Variants in ZNF254 observed in about 807,000 individuals in gnomAD.
ZNF254 encodes the protein zinc finger protein 254.
A neutral mutation model predicts 12.4 loss-of-function variants in ZNF254; 10 were observed. That is an observed-to-expected ratio of 0.80 (90% confidence interval 0.50 to 1.36). The LOEUF (loss-of-function observed/expected upper bound fraction) is 1.36, where lower values mean the gene tolerates loss of function less well. ZNF254 is among the 40% of genes most tolerant of loss of function. The pLI is 0.00. For synonymous variants in ZNF254, 305 were observed against 253.4 expected (o/e 1.20, Z -1.93); for missense variants, 996 against 763.9 (o/e 1.30, Z -3.58).
At chr19:24,051,705 T>C (rs144720865) in intron 2 of ZNF254, among the ~76,000 whole-genome samples, 6 of 152,262 alleles carry the variant, frequency 3.9e-5, no homozygotes, top group Admixed American at 2.0e-4. Flanking sequence ...GCCCTGCCCA[T>C]AGGGGTATTA....
intron 2 of ZNF254, among the ~76,000 whole-genome samples, chr19:24,064,178 A>G (rs1239102355): frequency 6.6e-6 from 1 of 151,964 alleles, no homozygotes; most frequent in African/African-American, 2.4e-5. Flanking sequence ...CATAGCTCCT[A>G]TGTGATGTGA....
intron 2 of ZNF254, among the ~76,000 whole-genome samples, chr19:24,052,315 C>G (rs1970679091): frequency 6.6e-6 from 1 of 152,222 alleles, no homozygotes; most frequent in Non-Finnish European, 1.5e-5. Flanking sequence ...CTTTCCATCA[C>G]TTAGGTGATG....
intron 3 of ZNF254, among the ~76,000 whole-genome samples, chr19:24,116,068 C>G (rs192282341): frequency 6.6e-6 from 1 of 152,326 alleles, no homozygotes; most frequent in East Asian, 1.9e-4. Context: ...GAGGTCCACT[C>G]TTAGTCCGAT....
At chr19:24,125,395 T>G (rs1463912942) in intron 3 of ZNF254, among the ~76,000 whole-genome samples, 1 of 151,972 alleles carries the variant, frequency 6.6e-6, no homozygotes, top group East Asian at 1.9e-4. Context: ...TACCAATTAT[T>G]AAAATTAATG....
intron 1 of ZNF254, among the ~76,000 whole-genome samples, chr19:24,036,331 A>G (rs1969967097): frequency 1.3e-5 from 2 of 152,036 alleles, no homozygotes. Context: ...TGCTGGGATT[A>G]CAAGTGTGAG....
At chr19:24,055,230 AAAG>A (rs1441132184) in intron 2 of ZNF254, among the ~76,000 whole-genome samples, 59 of 146,330 alleles carry the variant, frequency 4.0e-4, no homozygotes, top group African/African-American at 1.5e-3. Context: ...AAAAAAAAAA[AAAG>A]AGTGTACTAA....
chr19:24,045,687 AGG>A, intron 1 of ZNF254, among the ~76,000 whole-genome samples: 1 of 148,088 alleles, frequency 6.8e-6, no homozygotes, highest in East Asian at 2.0e-4. Context: ...AAAAAAAAAA[AGG>A]AAATCTAGCC....
chr19:24,067,044 T>C (rs890937079), intron 2 of ZNF254: 27 of 152,198 alleles, frequency 1.8e-4, no homozygotes, highest in African/African-American at 5.8e-4. Flanking sequence ...TTTTCTTTTA[T>C]TTCTTAGTTT....
chr19:24,084,156 T>TAA (rs1202459126), upstream of ZNF254, among the ~76,000 whole-genome samples: 3 of 147,654 alleles, frequency 2.0e-5, no homozygotes, highest in African/African-American at 4.9e-5. Context: ...TATATATATA[T>TAA]AATATATATA....
At chr19:24,051,037 G>C (rs370677595) in intron 2 of ZNF254, among the ~76,000 whole-genome samples, 128 of 152,100 alleles carry the variant, frequency 8.4e-4, no homozygotes, top group South Asian at 3.3e-3. Context: ...GGGCCCTGCC[G>C]ACTGGAGTGA....
At chr19:24,099,561 G>C (rs965191082) in intron 1 of ZNF254, among the ~76,000 whole-genome samples, 1 of 152,180 alleles carries the variant, frequency 6.6e-6, no homozygotes, top group African/African-American at 2.4e-5. Flanking sequence ...TTGTAGAAGA[G>C]TGAAAGTCTA....
In ZNF254 at chr19:24,041,460, T is replaced by C. The variant is rs573756831; in HGVS notation, c.-189-4724T>C. 1.6e-4 allele frequency among the ~76,000 whole-genome samples: 24 copies of C among 152,306 alleles called. No homozygotes were observed. In the East Asian group the frequency reaches 3.9e-3, roughly 25 times the overall value. On this transcript the variant is annotated intron_variant, in intron 1 of 4. Coordinates refer to the ZNF254 transcript ENST00000613065. ...GCAATGGGGGACTTAGCACCCGGGC[T>C]AGTGGCTGCGGAGGGTGTACTGAGT...
intron 1 of ZNF254, chr19:24,105,569 CAA>C: frequency 4.4e-6 from 1 of 227,266 alleles, no homozygotes; most frequent in Admixed American, 5.4e-5. Flanking sequence ...CCTTCTAACT[CAA>C]GATGTCTATT....
In ZNF254 at chr19:24,126,756, C is replaced by G; in HGVS notation, c.756C>G (p.Thr252=). The G allele has an allele frequency of 1.9e-6, 3 of 1,613,156 alleles. No homozygotes were observed. The highest frequency in any genetic ancestry group is 2.5e-6 in the Non-Finnish European group (3 of 1,179,704). The change falls in exon 4 of 4, where the codon ACC becomes ACG. Residue 252 remains threonine (T), a synonymous_variant. Coordinates refer to ENST00000357002, the MANE Select transcript of ZNF254 (RefSeq NM_203282.4). The stretch of plus-strand genomic sequence containing the variant: ...ACAAATCTCCTAAGCAACTCTCAAC[C>G]CTTACTACACATGAAATAATTCATG... ...EYNKSPKQLS[T]LTTHEIIHAG...
At chr19:24,040,399 A>G (rs1970112531) in intron 1 of ZNF254, among the ~76,000 whole-genome samples, 1 of 152,212 alleles carries the variant, frequency 6.6e-6, no homozygotes, top group African/African-American at 2.4e-5. Context: ...TACATTTTAC[A>G]CAGCAACCTG....
chr19:24,089,559 C>G (rs1250367188), intron 1 of ZNF254, among the ~76,000 whole-genome samples: 2 of 152,058 alleles, frequency 1.3e-5, no homozygotes, highest in African/African-American at 2.4e-5. Context: ...AACGAAGATA[C>G]CCACCATGGC....
At chr19:24,091,800 C>T in intron 1 of ZNF254, 1 of 973,338 alleles carries the variant, frequency 1.0e-6, no homozygotes, top group Non-Finnish European at 1.2e-6. Flanking sequence ...GCCCTATATC[C>T]TGTTATTTTG....
intron 3 of ZNF254, among the ~76,000 whole-genome samples, chr19:24,112,804 CAT>C (rs1377593929): frequency 1.3e-5 from 2 of 151,780 alleles, no homozygotes; most frequent in African/African-American, 4.8e-5. Flanking sequence ...AAGAAAAAAA[CAT>C]AGAAGAATCA....
intron 3 of ZNF254, among the ~76,000 whole-genome samples, chr19:24,121,744 G>A (rs1974498552): frequency 6.6e-6 from 1 of 151,974 alleles, no homozygotes; most frequent in Non-Finnish European, 1.5e-5. Flanking sequence ...TTTTAGTAGA[G>A]ACAGAGTTTA....
Sources: gnomAD v4.1 joint callset for allele counts (sites outside exome capture counted in the v4.1 genomes callset) on GRCh38, gnomAD v4.1.1 for gene constraint, MANE v1.5 for transcripts, NCBI Gene and HGNC (gene_info 2026-07-23, HGNC 2026-07-21) for gene names.